ANGPT1: variants seen among roughly 807,000 people sequenced by gnomAD.
ANGPT1 encodes angiopoietin-1.
Under a neutral mutation model 62.2 loss-of-function variants are expected in ANGPT1, and 17 were observed. That is an observed-to-expected ratio of 0.27 (90% CI 0.19 to 0.41). The LOEUF (loss-of-function observed/expected upper bound fraction) is 0.41, where lower values mean the gene tolerates loss of function less well. ANGPT1 is among the 10% of genes least tolerant of loss of function. The pLI is 1.00. For missense variants in ANGPT1, 478 were observed against 594.9 expected (o/e 0.80, Z 2.04); for synonymous variants, 199 against 198.9 (o/e 1.00, Z 0.00).
chr8:107,383,270 A>C (rs1257185556), intron 1 of ANGPT1, among the ~76,000 whole-genome samples: 1 of 152,004 alleles, frequency 6.6e-6, no homozygotes, highest in Non-Finnish European at 1.5e-5. Flanking sequence ...GGTCTCAGCC[A>C]AAAAGAAAGT....
chr8:107,275,060 G>A (rs928835797), intron 7 of ANGPT1, among the ~76,000 whole-genome samples: 1 of 149,802 alleles, frequency 6.7e-6, no homozygotes, highest in Non-Finnish European at 1.5e-5. Context: ...ATCCAATTAG[G>A]CAAAGTGAAT....
chr8:107,470,214 C>T (rs1812316336), intron 1 of ANGPT1, among the ~76,000 whole-genome samples: 3 of 151,822 alleles, frequency 2.0e-5, no homozygotes, highest in Non-Finnish European at 4.4e-5. Flanking sequence ...CAATATGTAG[C>T]CCTTTTAATG....
chr8:107,493,015 G>T (rs1404242182), intron 1 of ANGPT1, among the ~76,000 whole-genome samples: 1 of 150,286 alleles, frequency 6.7e-6, no homozygotes, highest in Non-Finnish European at 1.5e-5. Flanking sequence ...AAGTAGCCTA[G>T]TGCTAACATT....
Position 107,402,904 on chromosome 8 carries a change from C to T in ANGPT1, c.298-55807G>A, listed in dbSNP as rs144850869. On this transcript the variant is annotated intron_variant, in intron 1 of 8. Transcript: ENST00000517746. ...GGAAAACATTTGGAGAAATTGATAA[C>T]GTTGTACATTTAGTACATTTAGTAA... Among the ~76,000 whole-genome samples, 443 of 152,204 alleles carry T rather than the reference C, an allele frequency of 2.9e-3. 3 individuals are homozygous for T. The highest frequency in any genetic ancestry group is 5.6e-3 in the South Asian group (27 of 4,822).
intron 1 of ANGPT1, among the ~76,000 whole-genome samples, chr8:107,416,216 T>A (rs1810739272): frequency 6.6e-6 from 1 of 152,094 alleles, no homozygotes; most frequent in Non-Finnish European, 1.5e-5. Flanking sequence ...CAGACACCAA[T>A]CGCAAGTTAG....
intron 3 of ANGPT1, 26 bp downstream of exon 3, chr8:107,336,124 C>T (rs760971505): frequency 6.3e-7 from 1 of 1,579,280 alleles, no homozygotes; most frequent in South Asian, 1.2e-5. Flanking sequence ...CACACAGAAA[C>T]ATTTTTGGAA....
chr8:107,412,250 C>T (rs1810607563), intron 1 of ANGPT1, among the ~76,000 whole-genome samples: 1 of 152,118 alleles, frequency 6.6e-6, no homozygotes, highest in African/African-American at 2.4e-5. Context: ...CATGTCCATA[C>T]TGAAGCCAAA....
At chr8:107,345,794 G>A (rs1815791591) in intron 2 of ANGPT1, among the ~76,000 whole-genome samples, 2 of 152,162 alleles carry the variant, frequency 1.3e-5, no homozygotes, top group African/African-American at 2.4e-5. Flanking sequence ...CATCTCCCAT[G>A]TTCATCTGAT....
intron 4 of ANGPT1, among the ~76,000 whole-genome samples, chr8:107,304,709 A>C (rs540971761): frequency 8.6e-5 from 13 of 152,034 alleles, no homozygotes; most frequent in African/African-American, 2.6e-4. Flanking sequence ...ATTAAATTAT[A>C]TTTCAAGAAA....
intron 2 of ANGPT1, among the ~76,000 whole-genome samples, chr8:107,342,911 T>TTGTAACC (rs1815725792): frequency 6.6e-6 from 1 of 151,562 alleles, no homozygotes; most frequent in Non-Finnish European, 1.5e-5. Context: ...TCACAGCTCA[T>TTGTAACC]TGTAACCTTG....
At chr8:107,365,167 T>C (rs1816246805) in intron 1 of ANGPT1, among the ~76,000 whole-genome samples, 2 of 152,190 alleles carry the variant, frequency 1.3e-5, no homozygotes, top group South Asian at 4.1e-4. Context: ...AATAGACTGA[T>C]AAGCTGAAGC....
chr8:107,333,996 G>GGGAACGAAGGAAGGAA (rs1815494394), intron 3 of ANGPT1, among the ~76,000 whole-genome samples: 1 of 70,478 alleles, frequency 1.4e-5, no homozygotes, highest in African/African-American at 5.3e-5. Flanking sequence ...GAGGGAGGGA[G>GGGAACGAAGGAAGGAA]GGAAGGAAGG....
At chr8:107,449,703 G>A (rs575075591) in intron 1 of ANGPT1, among the ~76,000 whole-genome samples, 1 of 152,086 alleles carries the variant, frequency 6.6e-6, no homozygotes, top group African/African-American at 2.4e-5. Flanking sequence ...CCTTGCATTA[G>A]CACACACGTT....
intron 2 of ANGPT1, among the ~76,000 whole-genome samples, chr8:107,339,288 A>C (rs1815644072): frequency 1.3e-5 from 2 of 152,194 alleles, no homozygotes; most frequent in African/African-American, 4.8e-5. Flanking sequence ...TTCCCTTTGC[A>C]ATTAGAATGA....
chr8:107,335,701 T>C (rs1815542416), intron 3 of ANGPT1, among the ~76,000 whole-genome samples: 1 of 152,198 alleles, frequency 6.6e-6, no homozygotes, highest in Non-Finnish European at 1.5e-5. Context: ...ATTTTCCTTC[T>C]CTCTAGTGCT....
chr8:107,380,916 T>A (rs1816624570), intron 1 of ANGPT1, among the ~76,000 whole-genome samples: 1 of 152,248 alleles, frequency 6.6e-6, no homozygotes, highest in Non-Finnish European at 1.5e-5. Context: ...GCTTGCTTAA[T>A]GCTTTGCATT....
chr8:107,329,367 G>A (rs372777699), intron 3 of ANGPT1, among the ~76,000 whole-genome samples: 11 of 152,062 alleles, frequency 7.2e-5, no homozygotes, highest in African/African-American at 2.7e-4. Flanking sequence ...TATACAACAA[G>A]TTTGTCTTAC....
intron 3 of ANGPT1, among the ~76,000 whole-genome samples, chr8:107,333,944 A>AAAAG (rs376283949): frequency 9.8e-5 from 14 of 142,272 alleles, no homozygotes; most frequent in African/African-American, 3.3e-4. Context: ...GAAAGAAAGA[A>AAAAG]AAAGAAAGAA....
At chr8:107,346,322 G>A (rs1815802501) in intron 2 of ANGPT1, among the ~76,000 whole-genome samples, 1 of 152,104 alleles carries the variant, frequency 6.6e-6, no homozygotes. Context: ...AATTAAAAAT[G>A]ACAGTCATCA....
Sources: allele counts gnomAD v4.1 joint callset (sites outside exome capture counted in the v4.1 genomes callset), GRCh38; gene constraint gnomAD v4.1.1; transcripts MANE v1.5; gene names NCBI Gene and HGNC (gene_info 2026-07-23, HGNC 2026-07-21).